TECPR2: variants seen among roughly 807,000 people sequenced by gnomAD.
TECPR2 encodes tectonin beta-propeller repeat containing 2, also known as tectonin beta-propeller repeat-containing protein 2.
A neutral mutation model predicts 138.1 loss-of-function variants in TECPR2; 65 were observed. That is an observed-to-expected ratio of 0.47 (90% CI 0.39 to 0.58). The LOEUF (loss-of-function observed/expected upper bound fraction) is 0.58, where lower values mean the gene tolerates loss of function less well. Among genes scored for constraint, TECPR2 ranks in the 20% least tolerant of loss-of-function variants. TECPR2 has a pLI of 0.00. For missense variants in TECPR2, 1,553 were observed against 1,824.5 expected, an observed-to-expected ratio of 0.85 and a Z score of 2.71; for synonymous variants, 746 against 749.8, an observed-to-expected ratio of 0.99 and a Z score of 0.08.
At chr14:102,408,700 C>T in intron 4 of TECPR2, 81 bp downstream of exon 4, 1 of 1,385,244 alleles carries the variant, frequency 7.2e-7, no homozygotes, top group Admixed American at 2.4e-5. Context: ...TATTTTTAGT[C>T]AACTTGTATT....
In TECPR2 at chr14:102,424,509, A is replaced by G. The variant is rs896505839; in HGVS notation, c.639-470A>G. Among the ~76,000 whole-genome samples, 3 of 152,112 alleles carry G rather than the reference A, an allele frequency of 2.0e-5. 1 individual carries two copies. The highest frequency in any genetic ancestry group is 4.4e-5 in the Non-Finnish European group (3 of 68,024). On this transcript the variant is annotated intron_variant, in intron 5 of 19. Transcript: ENST00000359520. ...GCCACCATGCCTGGCTAATTTTTGT[A>G]TTTTTAGTAGAGGCATGGTTTCACC...
intron 1 of TECPR2, among the ~76,000 whole-genome samples, chr14:102,370,358 A>G (rs1887468526): frequency 6.6e-6 from 1 of 152,162 alleles, no homozygotes; most frequent in South Asian, 2.1e-4. Flanking sequence ...CGCGTGAACC[A>G]CCACACCCGG....
intron 2 of TECPR2, among the ~76,000 whole-genome samples, chr14:102,399,925 ATGGTTTATAAT>A (rs1888428874): frequency 6.6e-6 from 1 of 152,078 alleles, no homozygotes; most frequent in Non-Finnish European, 1.5e-5. Context: ...TACTGTAACA[ATGGTTTATAAT>A]TGCATTTTTG....
chr14:102,387,529 CTTT>C (rs1368242295), intron 2 of TECPR2, among the ~76,000 whole-genome samples: 4 of 141,550 alleles, frequency 2.8e-5, no homozygotes, highest in African/African-American at 2.6e-5. Flanking sequence ...TCAGAGCTGT[CTTT>C]TTTTTTTTTT....
Position 102,419,726 on chromosome 14 carries a change from C to T in TECPR2, c.638+4933C>T, listed in dbSNP as rs991964290. Among the ~76,000 whole-genome samples, 7 of 152,272 alleles carry T rather than the reference C, an allele frequency of 4.6e-5. No homozygotes were observed. The highest frequency in any genetic ancestry group is 1.3e-4 in the Admixed American group (2 of 15,302). On this transcript the variant is annotated intron_variant, in intron 5 of 19. Coordinates refer to ENST00000359520, the MANE Select transcript of TECPR2 (RefSeq NM_014844.5). The surrounding 1 kb of genome is among the most constrained non-coding windows in gnomAD (Gnocchi z 4.8). ...TGTTACATCCAGAAAACCTCAGAGG[C>T]CCTAGCCATCTGCAACCGTGGGTTT...
In TECPR2 at chr14:102,455,466, A is replaced by G. The variant is rs115093617; in HGVS notation, c.3640+2839A>G. Among the ~76,000 whole-genome samples the G allele has an allele frequency of 1.8e-3, 269 of 152,104 alleles. 1 individual carries two copies. Among genetic ancestry groups the G allele is most frequent in the African/African-American group, 6.2e-3 (258 of 41,496 alleles). ...ATTTCCTCTCCTTTCTTTTTTTTCC[A>G]GGTGGGGTCTCACTCTGTCATCCAG... On this transcript the variant is annotated intron_variant, in intron 16 of 19. Transcript: ENST00000359520.
At chr14:102,461,692 C>A (rs575822504) in intron 16 of TECPR2, among the ~76,000 whole-genome samples, 1 of 152,298 alleles carries the variant, frequency 6.6e-6, no homozygotes, top group East Asian at 1.9e-4. Flanking sequence ...TCTTCTAGGG[C>A]AGTGGTCCTC....
At chr14:102,424,893 T>C in intron 5 of TECPR2, 86 bp from the exon 6 acceptor site, 1 of 1,333,312 alleles carries the variant, frequency 7.5e-7, no homozygotes, top group Non-Finnish European at 1.0e-6. Flanking sequence ...ATTCTTGTTG[T>C]ACTTAATATT....
At chr14:102,484,601 T>C (rs1720596714) in intron 17 of TECPR2, among the ~76,000 whole-genome samples, 1 of 152,126 alleles carries the variant, frequency 6.6e-6, no homozygotes, top group South Asian at 2.1e-4. Flanking sequence ...TCCCCCACTT[T>C]CCAGCTTCCA....
At chr14:102,452,771 G>A (rs1890180232) in intron 16 of TECPR2, 144 bp downstream of exon 16, 1 of 665,510 alleles carries the variant, frequency 1.5e-6, no homozygotes, top group Non-Finnish European at 2.6e-6. Context: ...AATTTCAGGA[G>A]CTCAGTTGGC....
At chr14:102,448,463 G>A (rs562943729) in intron 13 of TECPR2, among the ~76,000 whole-genome samples, 309 of 152,320 alleles carry the variant, frequency 2.0e-3, no homozygotes, top group Non-Finnish European at 3.0e-3. Flanking sequence ...GAATGTTATA[G>A]AAGCAAGCTA....
At chr14:102,436,202 G>A (rs1014231770) in intron 9 of TECPR2, among the ~76,000 whole-genome samples, 1 of 152,182 alleles carries the variant, frequency 6.6e-6, no homozygotes, top group African/African-American at 2.4e-5. Flanking sequence ...AATGAAGGGC[G>A]GGCCCCAGGA....
intron 2 of TECPR2, among the ~76,000 whole-genome samples, chr14:102,380,823 T>C (rs1470525440): frequency 1.3e-5 from 2 of 148,724 alleles, no homozygotes; most frequent in African/African-American, 5.0e-5. Flanking sequence ...GGACTACAGG[T>C]GCCCGCCACC....
intron 4 of TECPR2, among the ~76,000 whole-genome samples, chr14:102,414,296 ACT>A (rs1288134648): frequency 6.6e-6 from 1 of 151,584 alleles, no homozygotes; most frequent in Non-Finnish European, 1.5e-5. Context: ...TCTTCTTTGA[ACT>A]CTCTGCATGT....
At chr14:102,422,368 A>G (rs1371510908) in intron 5 of TECPR2, among the ~76,000 whole-genome samples, 1 of 152,168 alleles carries the variant, frequency 6.6e-6, no homozygotes, top group African/African-American at 2.4e-5. Flanking sequence ...TCCCTCACCA[A>G]TGTTGTTGAA....
At chr14:102,392,249 T>C (rs1888197867) in intron 2 of TECPR2, among the ~76,000 whole-genome samples, 1 of 152,182 alleles carries the variant, frequency 6.6e-6, no homozygotes, top group Admixed American at 6.5e-5. Flanking sequence ...TGCCTCAGCC[T>C]CCCAAAGTGC....
intron 2 of TECPR2, among the ~76,000 whole-genome samples, chr14:102,403,791 AAGG>A (rs1486594311): frequency 6.6e-6 from 1 of 152,226 alleles, no homozygotes; most frequent in African/African-American, 2.4e-5. Flanking sequence ...TAAAAAGAAT[AAGG>A]AGGTGAAAGA....
At chr14:102,447,348 A>G (rs1027042835) in intron 13 of TECPR2, among the ~76,000 whole-genome samples, 1 of 151,926 alleles carries the variant, frequency 6.6e-6, no homozygotes, top group Non-Finnish European at 1.5e-5. Context: ...GGCTCAAGCA[A>G]TCCTCCCACC....
chr14:102,482,838 CTT>C (rs758301929), intron 17 of TECPR2, among the ~76,000 whole-genome samples: 6 of 96,574 alleles, frequency 6.2e-5, no homozygotes, highest in African/African-American at 4.0e-5. Flanking sequence ...AGAAGCCTTT[CTT>C]TTTTTTTTTT....
Sources: allele counts gnomAD v4.1 joint callset (sites outside exome capture counted in the v4.1 genomes callset), GRCh38; gene constraint gnomAD v4.1.1; non-coding constraint Gnocchi (gnomAD v3.1); transcripts MANE v1.5; gene names NCBI Gene and HGNC (gene_info 2026-07-23, HGNC 2026-07-21).